The following MYH15 variants were observed in gnomAD, a reference collection of about 807,000 sequenced individuals.
The protein encoded by MYH15 is myosin-15.
In MYH15, 227 loss-of-function variants were observed where a neutral mutation model predicts 240.5. The ratio of observed to expected loss-of-function variants is 0.94; its 90% CI spans 0.85 to 1.05. MYH15 has a LOEUF of 1.05. MYH15 is among the 50% of genes least tolerant of loss of function. The pLI is 0.00. For missense variants in MYH15, 2,217 were observed against 2,247.5 expected (o/e 0.99, Z 0.27); for synonymous variants, 785 against 796.7 (o/e 0.99, Z 0.25).
chr3:108,389,132 G>T (rs1289765991), intron 37 of MYH15, 58 bp from the exon 38 acceptor site: 2 of 1,451,644 alleles, frequency 1.4e-6, no homozygotes, highest in Non-Finnish European at 1.9e-6. Flanking sequence ...CATTCTATTT[G>T]CTGATTGGCA....
At chr3:108,428,370 T>A in intron 27 of MYH15, 122 bp downstream of exon 27, 1 of 1,195,840 alleles carries the variant, frequency 8.4e-7, no homozygotes, top group Non-Finnish European at 1.2e-6. Context: ...AGGACTATAG[T>A]CTTCATTAGA....
upstream of MYH15, among the ~76,000 whole-genome samples, chr3:108,530,920 C>G (rs1035800076): frequency 6.6e-6 from 1 of 152,058 alleles, no homozygotes; most frequent in Non-Finnish European, 1.5e-5. Context: ...ATATTGAATA[C>G]AATAAGTAGA....
chr3:108,491,169 G>C (rs1378682760), intron 9 of MYH15, among the ~76,000 whole-genome samples: 1 of 151,984 alleles, frequency 6.6e-6, no homozygotes, highest in East Asian at 1.9e-4. Context: ...ATTACAGGTA[G>C]GAGTCACCAC....
intron 25 of MYH15, among the ~76,000 whole-genome samples, chr3:108,435,925 T>C (rs191037974): frequency 2.9e-3 from 435 of 152,142 alleles, no homozygotes; most frequent in African/African-American, 9.8e-3. Context: ...ATATTGGCTA[T>C]TGTGAATAAT....
At chr3:108,462,320 C>G (rs2083079069) in intron 16 of MYH15, among the ~76,000 whole-genome samples, 1 of 152,152 alleles carries the variant, frequency 6.6e-6, no homozygotes, top group Admixed American at 6.5e-5. Flanking sequence ...CTGTTTTGTT[C>G]ATTCCTGGGA....
intron 14 of MYH15, 88 bp downstream of exon 14, chr3:108,469,954 T>C (rs930342771): frequency 6.8e-5 from 89 of 1,311,864 alleles, no homozygotes; most frequent in Non-Finnish European, 8.9e-5. Context: ...CATCCTCTGA[T>C]AGGGCCTAAG....
At chr3:108,413,886 T>A (rs1459310840) in intron 30 of MYH15, among the ~76,000 whole-genome samples, 4 of 152,140 alleles carry the variant, frequency 2.6e-5, no homozygotes, top group Admixed American at 6.5e-5. Context: ...TATTATGGCG[T>A]TACAAATGAA....
intron 1 of MYH15, among the ~76,000 whole-genome samples, chr3:108,517,343 T>G (rs2083581731): frequency 6.6e-6 from 1 of 152,208 alleles, no homozygotes; most frequent in Non-Finnish European, 1.5e-5. Flanking sequence ...TGATTAATTT[T>G]TTTTTTGAGA....
chr3:108,547,755 T>A, the MYH15 span, among the ~76,000 whole-genome samples: 1 of 152,202 alleles, frequency 6.6e-6, no homozygotes, highest in African/African-American at 2.4e-5. Flanking sequence ...ATTTTCTACC[T>A]TTAAAAAGTA....
intron 33 of MYH15, among the ~76,000 whole-genome samples, chr3:108,400,183 A>G (rs2082493497): frequency 6.6e-6 from 1 of 152,216 alleles, no homozygotes; most frequent in Admixed American, 6.5e-5. Context: ...TGGAGTCACA[A>G]GATGGAAAGA....
chr3:108,425,157 T>G (rs1391180227), intron 27 of MYH15, among the ~76,000 whole-genome samples: 1 of 152,178 alleles, frequency 6.6e-6, no homozygotes, highest in Non-Finnish European at 1.5e-5. Context: ...CCAAAGAGAA[T>G]AATTAGTTTG....
intron 6 of MYH15, among the ~76,000 whole-genome samples, chr3:108,497,166 A>T (rs2083397922): frequency 6.7e-6 from 1 of 149,188 alleles, no homozygotes; most frequent in African/African-American, 2.4e-5. Flanking sequence ...GTAAAAAAAA[A>T]AAAAAAAAAA....
chr3:108,405,511 T>C, intron 32 of MYH15, 58 bp from the exon 33 acceptor site: 5 of 1,156,772 alleles, frequency 4.3e-6, no homozygotes, highest in Non-Finnish European at 6.0e-6. Context: ...AAATTGTATT[T>C]TTTACCCAAA....
At position 108,464,695 on chromosome 3, in the gene MYH15, G is replaced by A; in HGVS notation, c.1674C>T (p.Pro558=). Residue 558 remains proline, a synonymous_variant, in exon 15 of 41, where the codon CCC becomes CCT. Transcript: ENST00000693548. ...CTTCAAATTTCTTCTTATCAGGCTT[G>A]GGCTTCTGGAGATGAACCGACTTTC... The part of the protein sequence containing the change: ...HFGKSVHLQK[P]KPDKKKFEAH... 6.2e-7 allele frequency: 1 copy of A among 1,613,890 alleles called. No individual in the cohort carries two copies. The highest frequency in any genetic ancestry group is 8.5e-7 in the Non-Finnish European group (1 of 1,179,852).
At chr3:108,394,237 G>T in intron 35 of MYH15, 81 bp from the exon 36 acceptor site, 1 of 1,578,662 alleles carries the variant, frequency 6.3e-7, no homozygotes, top group Non-Finnish European at 8.6e-7. Flanking sequence ...ACATGCAATG[G>T]GAGTCAGCTC....
chr3:108,400,639 T>TC (rs2107541965), intron 33 of MYH15, among the ~76,000 whole-genome samples: 1 of 152,130 alleles, frequency 6.6e-6, no homozygotes, highest in South Asian at 2.1e-4. Flanking sequence ...TGAAATCCCA[T>TC]CCCTACTAAA....
chr3:108,471,140 A>T (rs2083173022), intron 12 of MYH15, among the ~76,000 whole-genome samples: 1 of 149,528 alleles, frequency 6.7e-6, no homozygotes, highest in Admixed American at 6.7e-5. Flanking sequence ...AGGGAAGAAA[A>T]AGGAGGAAAG....
At chr3:108,414,186 C>G in intron 30 of MYH15, 46 bp downstream of exon 30, 1 of 1,569,238 alleles carries the variant, frequency 6.4e-7, no homozygotes. Context: ...TCTCATACTG[C>G]TCCATGTGAG....
chr3:108,469,496 A>G (rs1273059046), intron 14 of MYH15, among the ~76,000 whole-genome samples: 2 of 152,214 alleles, frequency 1.3e-5, no homozygotes, highest in African/African-American at 4.8e-5. Context: ...GAAACTGTAC[A>G]CTGCAGCTAA....
Sources: allele counts gnomAD v4.1 joint callset (sites outside exome capture counted in the v4.1 genomes callset), GRCh38; gene constraint gnomAD v4.1.1; transcripts MANE v1.5; gene names NCBI Gene and HGNC (gene_info 2026-07-23, HGNC 2026-07-21).